The following SP1 variants were observed in gnomAD, a reference collection of about 807,000 sequenced individuals.
The protein encoded by SP1 is transcription factor Sp1.
In SP1, 6 loss-of-function variants were observed where a neutral mutation model predicts 66.3. The observed-to-expected ratio is 0.09, with a 90% confidence interval of 0.05 to 0.18. The LOEUF (loss-of-function observed/expected upper bound fraction) is 0.18. Ranked by LOEUF, SP1 falls within the 10% of genes least tolerant of loss-of-function variation. SP1 has a pLI of 1.00. For synonymous variants in SP1, 417 were observed against 360.8 expected (o/e 1.16, Z -1.77); for missense variants, 848 against 964.5 (o/e 0.88, Z 1.60).
At chr12:53,407,131 ATTTT>A (rs903878267) in intron 4 of SP1, among the ~76,000 whole-genome samples, 1 of 141,218 alleles carries the variant, frequency 7.1e-6, no homozygotes, top group African/African-American at 2.6e-5. Context: ...GCAAAGGTTA[ATTTT>A]TTTTTTTAGG....
Position 53,416,040 on chromosome 12 carries a change from C to T in SP1, c.*4800C>T, listed in dbSNP as rs1352894473. 2.0e-5 allele frequency: 3 copies of T among 152,706 alleles called. No homozygotes were observed. The highest frequency in any genetic ancestry group is 7.2e-5 in the African/African-American group (3 of 41,438). The allele number at this position is 152,706 out of a possible 1,614,324, so 9.5% of individuals were successfully genotyped here. ...TCCTCTGGAAGGGATGGGTGGTGCT[C>T]CAATCTCTGGTGCCTAAAAACCCAA... On this transcript the variant is annotated 3_prime_UTR_variant, in exon 6 of 6. Coordinates refer to ENST00000327443, the MANE Select transcript of SP1 (RefSeq NM_138473.3).
At chr12:53,403,227 T>A (rs1360284004) in intron 3 of SP1, among the ~76,000 whole-genome samples, 2 of 152,188 alleles carry the variant, frequency 1.3e-5, no homozygotes, top group East Asian at 3.8e-4. Context: ...AGAGATTAGG[T>A]ACAGAAGTAA....
At position 53,382,235 on chromosome 12, in the gene SP1, A is replaced by G; in HGVS notation, c.288A>G (p.Thr96=). The G allele has an allele frequency of 6.2e-7, 1 of 1,614,210 alleles. No homozygotes were observed. ...QSGGTGELDL[T]ATQLSQGANG... ...GGGGAACAGGTGAGCTTGACCTCAC[A>G]GCCACACAACTTTCACAGGGTGCCA... Residue 96 remains threonine (T), a synonymous_variant, in exon 3 of 6, where the codon ACA becomes ACG. Coordinates refer to ENST00000327443, the MANE Select transcript of SP1 (RefSeq NM_138473.3).
rs1226277403 is a variant in SP1 at position 53,382,276 on chromosome 12, T to C, written c.329T>C (p.Ile110Thr). Residue 110 changes from isoleucine to threonine, a missense_variant, in exon 3 of 6, where the codon ATC (isoleucine) becomes ACC (threonine). Coordinates refer to ENST00000327443, the MANE Select transcript of SP1 (RefSeq NM_138473.3). Reference protein sequence around the residue: ...LSQGANGWQIISSSSGATPTS... With the variant: ...LSQGANGWQITSSSSGATPTS... ...CAGGGTGCCAATGGCTGGCAGATCA[T>C]CTCTTCCTCCTCTGGGGCTACCCCT... 1 of 1,614,138 alleles carries C rather than the reference T, an allele frequency of 6.2e-7. No homozygotes were observed. The highest frequency in any genetic ancestry group is 1.1e-5 in the South Asian group (1 of 91,074).
chr12:53,394,483 G>T (rs1938430248), intron 3 of SP1, among the ~76,000 whole-genome samples: 1 of 129,618 alleles, frequency 7.7e-6, no homozygotes, highest in Admixed American at 8.6e-5. Flanking sequence ...AGGGCCTACT[G>T]CAGCCCTTGA....
At position 53,405,660 on chromosome 12, in the gene SP1, T is replaced by G. The variant is rs149703725; in HGVS notation, c.1676-925T>G. Among the ~76,000 whole-genome samples the G allele has an allele frequency of 4.0e-3, 555 of 139,880 alleles. 2 individuals are homozygous for G. Among genetic ancestry groups the G allele is most frequent in the African/African-American group, 0.014 (525 of 36,310 alleles). The allele number at this position is 139,880 out of a possible 152,430, so 91.8% of individuals were successfully genotyped here. A position where few individuals can be genotyped will look rare whatever the true frequency, so the allele number is the denominator to read the frequency against. On this transcript the variant is annotated intron_variant, in intron 3 of 5. Coordinates refer to ENST00000327443, the MANE Select transcript of SP1 (RefSeq NM_138473.3). The stretch of plus-strand genomic sequence containing the variant: ...ACTCCAGAGCCAGCGAGACTCTGTC[T>G]CAAAAAAAGAAAGGAAAGAAAAGAG...
intron 1 of SP1, chr12:53,380,755 T>G (rs1189280280): frequency 3.9e-6 from 2 of 517,586 alleles, no homozygotes; most frequent in South Asian, 9.4e-5. Context: ...CCCCCCACCG[T>G]CCCGCCCTTT....
rs868373594 is a variant in SP1 at position 53,382,401 on chromosome 12, G to A, written c.454G>A (p.Ala152Thr). The A allele has an allele frequency of 6.2e-6, 10 of 1,614,036 alleles. No individual in the cohort carries two copies. Among genetic ancestry groups the A allele is most frequent in the Non-Finnish European group, 6.8e-6 (8 of 1,180,032 alleles). ...TGGTGGGCAGTATGTTGTGGCTGCC[G>A]CTCCCAACTTACAGAACCAGCAAGT... ...VSGGQYVVAA[A>T]PNLQNQQVLT... The change falls in exon 3 of 6, where the codon GCT becomes ACT. Residue 152 changes from alanine to threonine, a missense_variant. Coordinates refer to ENST00000327443, the MANE Select transcript of SP1 (RefSeq NM_138473.3).
intron 1 of SP1, 108 bp downstream of exon 1, chr12:53,380,406 CGGCGGCGGCGGCCTAGGTCCCGCCCGG>C: frequency 4.2e-6 from 4 of 962,312 alleles, no homozygotes; most frequent in Non-Finnish European, 5.5e-6. Flanking sequence ...CGGGAGGCGG[CGGCGGCGGCGGCCTAGGTCCCGCCCGG>C]GGCGGAGGGA....
intron 3 of SP1, among the ~76,000 whole-genome samples, chr12:53,403,868 C>T (rs1166408184): frequency 1.3e-5 from 2 of 151,654 alleles, no homozygotes; most frequent in Non-Finnish European, 2.9e-5. Flanking sequence ...TGGTGAGACC[C>T]GGTCTCCTTA....
At chr12:53,380,685 G>C in intron 1 of SP1, 1 of 986,848 alleles carries the variant, frequency 1.0e-6, no homozygotes, top group Non-Finnish European at 1.2e-6. Context: ...CCGCCCTCTG[G>C]TCGCCGCCTG....
intron 3 of SP1, among the ~76,000 whole-genome samples, chr12:53,399,793 G>A (rs1427735512): frequency 1.3e-5 from 2 of 151,664 alleles, no homozygotes; most frequent in South Asian, 2.1e-4. Flanking sequence ...CACCACACCC[G>A]GCTAATTTTG....
intron 3 of SP1, among the ~76,000 whole-genome samples, chr12:53,405,728 AAG>A (rs1938719409): frequency 6.6e-6 from 1 of 151,824 alleles, no homozygotes; most frequent in South Asian, 2.1e-4. Context: ...GGAGGGAAGG[AAG>A]AGAGAGAGGG....
intron 3 of SP1, among the ~76,000 whole-genome samples, chr12:53,396,923 C>T (rs994290647): frequency 6.6e-6 from 1 of 151,910 alleles, no homozygotes; most frequent in African/African-American, 2.4e-5. Flanking sequence ...GCCACCACAC[C>T]CGGCCTCTCC....
chr12:53,395,115 C>T (rs192132468), intron 3 of SP1, among the ~76,000 whole-genome samples: 18 of 151,914 alleles, frequency 1.2e-4, no homozygotes, highest in African/African-American at 3.1e-4. Flanking sequence ...CTAAGGTGGG[C>T]GGATCACTTG....
In SP1 at chr12:53,380,298, G is replaced by A; in HGVS notation, c.7G>A (p.Asp3Asn). 1.9e-6 allele frequency: 3 copies of A among 1,604,010 alleles called. No homozygotes were observed. Among genetic ancestry groups the A allele is most frequent in the South Asian group, 1.1e-5 (1 of 90,412 alleles). ...TTGTCCCTCAGCTGCCACCATGAGCGGTAAGGATGAGTCCACTCCAAGCTT... is the reference window on the plus strand; with the variant it reads ...TTGTCCCTCAGCTGCCACCATGAGCAGTAAGGATGAGTCCACTCCAAGCTT... Reference protein sequence around the residue: MSDQDHSMDEMTA... With the variant: MSNQDHSMDEMTA... Residue 3 changes from aspartate (D) to asparagine (N), a missense_variant and splice_region_variant, in exon 1 of 6, where the codon GAC (aspartate) becomes AAC (asparagine). This residue lies in a region of SP1 where 84 missense variants were observed against 73.9 expected (regional missense o/e 1.14). Coordinates refer to ENST00000327443, the MANE Select transcript of SP1 (RefSeq NM_138473.3).
chr12:53,406,810 AT>A, intron 4 of SP1, 57 bp downstream of exon 4: 2 of 1,455,298 alleles, frequency 1.4e-6, no homozygotes, highest in Non-Finnish European at 1.9e-6. Flanking sequence ...AGATTTGGAG[AT>A]AAGAGGAAGA....
chr12:53,392,873 G>A (rs1016706218), intron 3 of SP1, among the ~76,000 whole-genome samples: 2 of 151,732 alleles, frequency 1.3e-5, no homozygotes, highest in Non-Finnish European at 2.9e-5. Context: ...CGCCCAGGCT[G>A]GAGTGCAGTG....
At position 53,381,711 on chromosome 12, in the gene SP1, A is replaced by G; in HGVS notation, c.60A>G (p.Gly20=). 6.2e-7 allele frequency: 1 copy of G among 1,614,004 alleles called. No homozygotes were observed. The highest frequency in any genetic ancestry group is 1.1e-5 in the South Asian group (1 of 91,062). ...CAGCTGTGGTGAAAATTGAAAAAGG[A>G]GTTGGTGGCAATAATGGGGGCAATG... The part of the protein sequence containing the change: ...EMTAVVKIEK[G]VGGNNGGNGN... Residue 20 remains glycine (G), a synonymous_variant, in exon 2 of 6, where the codon GGA becomes GGG. Coordinates refer to ENST00000327443, the MANE Select transcript of SP1 (RefSeq NM_138473.3).
Sources: gnomAD v4.1 joint callset for allele counts (sites outside exome capture counted in the v4.1 genomes callset) on GRCh38, gnomAD v4.1.1 for gene constraint, gnomAD v4.1.1 regional missense constraint, MANE v1.5 for transcripts, NCBI Gene and HGNC (gene_info 2026-07-23, HGNC 2026-07-21) for gene names.